The following FAF1 variants were observed in gnomAD, a reference collection of about 807,000 sequenced individuals.
The protein encoded by FAF1 is FAS-associated factor 1.
In FAF1, 25 loss-of-function variants were observed where a neutral mutation model predicts 92.5. That is an observed-to-expected ratio of 0.27 (90% confidence interval 0.20 to 0.38). The LOEUF is 0.38. Ranked by LOEUF, FAF1 falls within the 10% of genes least tolerant of loss-of-function variation. FAF1 has a pLI of 1.00. For synonymous variants in FAF1, 234 were observed against 273.2 expected (o/e 0.86, Z 1.42); for missense variants, 636 against 793.3 (o/e 0.80, Z 2.38).
At chr1:50,449,972 A>G (rs1297422506) in intron 18 of FAF1, among the ~76,000 whole-genome samples, 1 of 151,764 alleles carries the variant, frequency 6.6e-6, no homozygotes, top group East Asian at 2.0e-4. Context: ...AGGCAGGCAG[A>G]TCACTTGAGG....
intron 1 of FAF1, among the ~76,000 whole-genome samples, chr1:50,924,248 G>A (rs773150526): frequency 3.4e-5 from 5 of 147,880 alleles, no homozygotes; most frequent in South Asian, 2.2e-4. Flanking sequence ...AACAAAAATC[G>A]GCAGTACTTC....
At chr1:50,542,826 A>G (rs1293264295) in intron 13 of FAF1, among the ~76,000 whole-genome samples, 1 of 152,212 alleles carries the variant, frequency 6.6e-6, no homozygotes, top group Non-Finnish European at 1.5e-5. Flanking sequence ...GCCAAATGCT[A>G]AAATTACAAA....
intron 8 of FAF1, among the ~76,000 whole-genome samples, chr1:50,632,103 A>G (rs576665199): frequency 7.9e-5 from 12 of 152,336 alleles, no homozygotes; most frequent in Non-Finnish European, 1.3e-4. Context: ...ACTACTGTAT[A>G]TCAAAGCAAA....
chr1:50,562,168 T>C (rs1315262258), intron 13 of FAF1, among the ~76,000 whole-genome samples: 2 of 152,240 alleles, frequency 1.3e-5, no homozygotes, highest in Admixed American at 6.5e-5. Context: ...TACATTGTAC[T>C]AACAATATTT....
intron 17 of FAF1, among the ~76,000 whole-genome samples, chr1:50,488,165 A>G (rs1646788527): frequency 6.6e-6 from 1 of 152,202 alleles, no homozygotes; most frequent in Admixed American, 6.5e-5. Context: ...TTATGGGAGC[A>G]TATCAATAGA....
At chr1:50,531,618 T>C (rs983356500) in intron 15 of FAF1, among the ~76,000 whole-genome samples, 8 of 152,160 alleles carry the variant, frequency 5.3e-5, no homozygotes, top group Non-Finnish European at 1.0e-4. Context: ...TCCAGTGATA[T>C]GTACTTGGTA....
rs1653553051 is a variant in FAF1, at chr1:50,627,348, A to T, written c.744+28094T>A. ...AGGAGAAACTAGGAGCCAAATGAAA[A>T]AGCGTCTCAGGAAGGAGTTTTCAAC... is the stretch of plus-strand genomic sequence containing the variant. On this transcript the variant is annotated intron_variant, in intron 8 of 18. Coordinates refer to ENST00000396153, the MANE Select transcript of FAF1 (RefSeq NM_007051.3). 2.6e-5 allele frequency among the ~76,000 whole-genome samples: 4 copies of T among 152,258 alleles called. No homozygotes were observed. In the South Asian group the frequency reaches 8.3e-4, roughly 32 times the overall value.
At chr1:50,691,065 T>C (rs1381122659) in intron 7 of FAF1, among the ~76,000 whole-genome samples, 1 of 152,242 alleles carries the variant, frequency 6.6e-6, no homozygotes, top group African/African-American at 2.4e-5. Flanking sequence ...ATGCATGTTT[T>C]CAATTCTCTT....
At chr1:50,660,560 C>T in intron 7 of FAF1, among the ~76,000 whole-genome samples, 1 of 150,770 alleles carries the variant, frequency 6.6e-6, no homozygotes, top group East Asian at 1.9e-4. Context: ...GCAGTAGGTT[C>T]TCGGCTTACT....
chr1:50,842,088 TG>T (rs1161616587), intron 2 of FAF1, among the ~76,000 whole-genome samples: 1 of 152,100 alleles, frequency 6.6e-6, no homozygotes, highest in African/African-American at 2.4e-5. Flanking sequence ...TTCTCCTTAC[TG>T]AACAAAAACT....
chr1:50,584,257 T>C, intron 10 of FAF1, among the ~76,000 whole-genome samples: 1 of 152,132 alleles, frequency 6.6e-6, no homozygotes, highest in East Asian at 1.9e-4. Context: ...GTGAAAGAGA[T>C]GGTACATTTA....
intron 2 of FAF1, among the ~76,000 whole-genome samples, chr1:50,843,945 G>A (rs545299340): frequency 4.9e-4 from 74 of 152,138 alleles, no homozygotes; most frequent in African/African-American, 1.7e-3. Flanking sequence ...AATTTTTTGA[G>A]GAACCTCCAT....
rs1025223345 is a variant in FAF1 at position 50,921,961 on chromosome 1, G to A, written c.45+37806C>T. The stretch of plus-strand genomic sequence containing the variant: ...GCAGGTGGATCACCTGAGGCCAGGA[G>A]TTCAAGACCAGCCCGGCTAACATGG... On this transcript the variant is annotated intron_variant, in intron 1 of 18. Coordinates refer to ENST00000396153, the MANE Select transcript of FAF1 (RefSeq NM_007051.3). Among the ~76,000 whole-genome samples the A allele has an allele frequency of 6.0e-5, 9 of 149,410 alleles. No individual in the cohort carries two copies. In the South Asian group the frequency reaches 1.5e-3, roughly 25 times the overall value.
intron 8 of FAF1, among the ~76,000 whole-genome samples, chr1:50,600,983 T>G (rs1217281481): frequency 6.6e-6 from 1 of 152,220 alleles, no homozygotes; most frequent in Non-Finnish European, 1.5e-5. Context: ...GGGTCTTTGA[T>G]GATTTCTTTA....
chr1:50,712,409 A>G (rs1657970241), intron 6 of FAF1, among the ~76,000 whole-genome samples: 1 of 152,174 alleles, frequency 6.6e-6, no homozygotes, highest in Admixed American at 6.5e-5. Context: ...TAATCCTAAC[A>G]CTTTGGGAGG....
At chr1:50,905,485 G>C (rs1306423963) in intron 1 of FAF1, among the ~76,000 whole-genome samples, 2 of 152,162 alleles carry the variant, frequency 1.3e-5, no homozygotes, top group South Asian at 2.1e-4. Context: ...GGTTGAACTA[G>C]TTTACAGTCC....
At chr1:50,642,451 C>A (rs1373382902) in intron 8 of FAF1, among the ~76,000 whole-genome samples, 2 of 151,896 alleles carry the variant, frequency 1.3e-5, no homozygotes, top group Admixed American at 6.6e-5. Context: ...GAGTTTGAGA[C>A]CAGCTTGGCC....
rs145473196 is a variant in FAF1, at chr1:50,686,204, G to A, written c.657+19582C>T. On this transcript the variant is annotated intron_variant, in intron 7 of 18. Coordinates refer to ENST00000396153, the MANE Select transcript of FAF1 (RefSeq NM_007051.3). ...GTTATTCTAGTAGTTCAACATAACT[G>A]CCATCTAATAGTCAGAAACAGAGTA... 1.3e-3 allele frequency among the ~76,000 whole-genome samples: 196 copies of A among 152,196 alleles called. 3 individuals carry two copies. The East Asian group carries it at 0.032, about 25-fold the overall frequency.
At position 50,517,845 on chromosome 1, in the gene FAF1, A is replaced by G. The variant is rs375993876; in HGVS notation, c.1494+17524T>C. ...TTGCAAATGGCCTAGTCTTATGCCT[A>G]TAATGGTCACCATTATCAAAGGCAT... On this transcript the variant is annotated intron_variant, in intron 15 of 18. Transcript: ENST00000396153. Among the ~76,000 whole-genome samples, 6 of 152,380 alleles carry G rather than the reference A, an allele frequency of 3.9e-5. No homozygotes were observed. The East Asian group carries it at 7.7e-4, about 20-fold the overall frequency.
Sources: allele counts gnomAD v4.1 joint callset (sites outside exome capture counted in the v4.1 genomes callset), GRCh38; gene constraint gnomAD v4.1.1; transcripts MANE v1.5; gene names NCBI Gene and HGNC (gene_info 2026-07-23, HGNC 2026-07-21).